Variants in KIFAP3 observed in about 807,000 individuals in gnomAD.
KIFAP3 encodes the protein kinesin associated protein 3, also known as kinesin-associated protein 3.
Under a neutral mutation model 106.5 loss-of-function variants are expected in KIFAP3, and 68 were observed. The ratio of observed to expected loss-of-function variants is 0.64; its 90% CI spans 0.53 to 0.78. KIFAP3 has a LOEUF of 0.78. Among genes scored for constraint, KIFAP3 ranks in the 30% least tolerant of loss-of-function variants. KIFAP3 has a pLI of 0.00. For missense variants in KIFAP3, 780 were observed against 941.8 expected, an observed-to-expected ratio of 0.83 and a Z score of 2.25; for synonymous variants, 320 against 311.5, an observed-to-expected ratio of 1.03 and a Z score of -0.29.
upstream of KIFAP3, among the ~76,000 whole-genome samples, chr1:170,079,694 A>C (rs906037976): frequency 2.6e-5 from 4 of 152,072 alleles, no homozygotes; most frequent in Non-Finnish European, 5.9e-5. Flanking sequence ...GAAATCAGGA[A>C]ATGTAATGCC....
chr1:170,015,649 T>C (rs1204076683), intron 10 of KIFAP3, among the ~76,000 whole-genome samples: 1 of 152,100 alleles, frequency 6.6e-6, no homozygotes, highest in Non-Finnish European at 1.5e-5. Context: ...GTAAAACAGG[T>C]AGACAGGCAC....
Position 170,031,876 on chromosome 1 carries a change from G to A in KIFAP3, c.841+10C>T. The A allele has an allele frequency of 6.4e-7, 1 of 1,559,236 alleles. No individual in the cohort carries two copies. Among genetic ancestry groups the A allele is most frequent in the Non-Finnish European group, 8.8e-7 (1 of 1,132,176 alleles). On this transcript the variant is annotated intron_variant, in intron 8 of 19. Transcript: ENST00000361580. ...CTTTGTTGCTTTCCTCATTGCTTAGGAATTCATACCTCGTAATAGCTGTTC... is the reference window on the plus strand; with the variant it reads ...CTTTGTTGCTTTCCTCATTGCTTAGAAATTCATACCTCGTAATAGCTGTTC...
intron 14 of KIFAP3, 22 bp downstream of exon 14, chr1:169,982,680 A>C (rs373082558): frequency 1.3e-5 from 19 of 1,487,742 alleles, no homozygotes; most frequent in Admixed American, 1.9e-5. Flanking sequence ...GATTATACAA[A>C]AGTGAAATAC....
At chr1:170,069,580 C>T (rs910010398) in intron 1 of KIFAP3, among the ~76,000 whole-genome samples, 3 of 151,944 alleles carry the variant, frequency 2.0e-5, no homozygotes, top group Admixed American at 6.6e-5. Context: ...TTATCTCAAT[C>T]GATGCAGAAA....
chr1:170,031,350 T>C (rs765922669), intron 8 of KIFAP3, among the ~76,000 whole-genome samples: 3 of 151,710 alleles, frequency 2.0e-5, no homozygotes, highest in African/African-American at 4.8e-5. Context: ...AATCATCAAA[T>C]AGTCAAGTAT....
At chr1:169,959,899 A>T (rs1184610092) in intron 18 of KIFAP3, among the ~76,000 whole-genome samples, 1 of 152,150 alleles carries the variant, frequency 6.6e-6, no homozygotes. Context: ...GATCTACTCC[A>T]TCTGGTTTGA....
intron 1 of KIFAP3, among the ~76,000 whole-genome samples, chr1:170,083,329 G>C (rs188630166): frequency 5.9e-5 from 9 of 152,076 alleles, no homozygotes; most frequent in Non-Finnish European, 8.8e-5. Flanking sequence ...TTTCTATTTC[G>C]TTCTCATCTC....
At position 169,960,269 on chromosome 1, in the gene KIFAP3, A is replaced by T. The variant is rs550672661; in HGVS notation, c.2173+777T>A. Among the ~76,000 whole-genome samples the T allele has an allele frequency of 8.2e-4, 125 of 152,210 alleles. 1 individual carries two copies. The highest frequency in any genetic ancestry group is 2.9e-3 in the African/African-American group (119 of 41,570). On this transcript the variant is annotated intron_variant, in intron 18 of 19. Coordinates refer to ENST00000361580, the MANE Select transcript of KIFAP3 (RefSeq NM_014970.4). ...TAGTAGAAAATAAGGTGAGTCACTA[A>T]TTCAGATATAATCACCTTAATGATT...
At chr1:169,923,541 C>A (rs917051298) in intron 19 of KIFAP3, among the ~76,000 whole-genome samples, 2 of 152,174 alleles carry the variant, frequency 1.3e-5, no homozygotes, top group African/African-American at 2.4e-5. Flanking sequence ...TGTCTTCAAC[C>A]AGTCCTTATC....
At chr1:169,999,209 C>G (rs1410830657) in intron 10 of KIFAP3, among the ~76,000 whole-genome samples, 1 of 151,804 alleles carries the variant, frequency 6.6e-6, no homozygotes, top group Non-Finnish European at 1.5e-5. Context: ...AAATAAAGCT[C>G]AAGAAAAAAA....
rs56387591 is a variant in KIFAP3 at position 170,049,311 on chromosome 1, C to G, written c.165-2445G>C. ...GGGCAGGGCATCTAAGAAGGAAATG[C>G]AGCAGCCTTAGGGGCTTACAGATAA... On this transcript the variant is annotated intron_variant, in intron 2 of 19. Coordinates refer to ENST00000361580, the MANE Select transcript of KIFAP3 (RefSeq NM_014970.4). 2.8e-3 allele frequency among the ~76,000 whole-genome samples: 434 copies of G among 152,296 alleles called. 4 individuals are homozygous for G. Among genetic ancestry groups the G allele is most frequent in the African/African-American group, 0.01 (423 of 41,572 alleles).
At chr1:169,973,918 T>A (rs1007629223) in intron 16 of KIFAP3, among the ~76,000 whole-genome samples, 3 of 151,796 alleles carry the variant, frequency 2.0e-5, no homozygotes, top group African/African-American at 7.2e-5. Flanking sequence ...ACTGTAAACT[T>A]TAGATAAGCA....
chr1:170,010,632 A>G (rs1263345580), intron 10 of KIFAP3, among the ~76,000 whole-genome samples: 1 of 152,016 alleles, frequency 6.6e-6, no homozygotes, highest in African/African-American at 2.4e-5. Context: ...ATCTCACAAC[A>G]GCAGGGGTCG....
chr1:169,929,670 A>C (rs896029351), intron 19 of KIFAP3, among the ~76,000 whole-genome samples: 1 of 152,138 alleles, frequency 6.6e-6, no homozygotes, highest in African/African-American at 2.4e-5. Flanking sequence ...TTTTATATGC[A>C]TAATTATAAA....
At chr1:170,061,950 G>T (rs997620490) in intron 1 of KIFAP3, among the ~76,000 whole-genome samples, 1 of 152,064 alleles carries the variant, frequency 6.6e-6, no homozygotes, top group African/African-American at 2.4e-5. Context: ...ACTCATAGGT[G>T]GGAATTGAAC....
chr1:170,041,786 T>A, intron 3 of KIFAP3: 1 of 1,529,128 alleles, frequency 6.5e-7, no homozygotes, highest in Non-Finnish European at 8.8e-7. Context: ...CCTGATCTGT[T>A]GGCCTCCTTA....
intron 11 of KIFAP3, chr1:169,990,237 T>A: frequency 1.2e-6 from 1 of 831,222 alleles, no homozygotes; most frequent in Non-Finnish European, 1.8e-6. Context: ...ATACCAAAAA[T>A]TCACACTAGC....
rs192846663 is a variant in KIFAP3, at chr1:170,047,513, C to T, written c.165-647G>A. Among the ~76,000 whole-genome samples the T allele has an allele frequency of 4.9e-3, 721 of 148,094 alleles. 3 individuals are homozygous for T. The highest frequency in any genetic ancestry group is 7.6e-3 in the Non-Finnish European group (514 of 67,502). On this transcript the variant is annotated intron_variant, in intron 2 of 19. Coordinates refer to ENST00000361580, the MANE Select transcript of KIFAP3 (RefSeq NM_014970.4). ...GTGCGCGCCTGTAATCCCAGCTACT[C>T]GGGAGGTTGAGGCAGCAGAATTGTT...
intron 1 of KIFAP3, among the ~76,000 whole-genome samples, chr1:170,065,929 A>G (rs1671421712): frequency 6.6e-6 from 1 of 152,186 alleles, no homozygotes; most frequent in African/African-American, 2.4e-5. Context: ...TGACATACTT[A>G]GATTCAGATC....
Sources: gnomAD v4.1 joint callset for allele counts (sites outside exome capture counted in the v4.1 genomes callset) on GRCh38, gnomAD v4.1.1 for gene constraint, MANE v1.5 for transcripts, NCBI Gene and HGNC (gene_info 2026-07-23, HGNC 2026-07-21) for gene names.